IP6K1: variants seen among roughly 807,000 people sequenced by gnomAD.
The protein encoded by IP6K1 is ATP:1D-myo-inositol-hexakisphosphate phosphotransferase.
Under a neutral mutation model 38.3 loss-of-function variants are expected in IP6K1, and 13 were observed. That is an observed-to-expected ratio of 0.34 (90% confidence interval 0.22 to 0.54). The LOEUF is 0.54. Ranked by LOEUF, IP6K1 falls within the 20% of genes least tolerant of loss-of-function variation. The pLI, the probability that IP6K1 is intolerant of heterozygous loss-of-function variation, is 0.92. For synonymous variants in IP6K1, 212 were observed against 229.9 expected (o/e 0.92, Z 0.70); for missense variants, 397 against 599.8 (o/e 0.66, Z 3.53).
chr3:49,782,440 A>G lies in IP6K1; in HGVS notation c.-129+3914T>C, dbSNP rs1255934230. Among the ~76,000 whole-genome samples, 7 of 152,148 alleles carry G rather than the reference A, an allele frequency of 4.6e-5. No individual in the cohort carries two copies. The East Asian group carries it at 1.4e-3, about 30-fold the overall frequency. ...CACCTTGGCCTCCCACAGTGCTGGGATTACAGGCTTGAGCCACCGCGCCCG... is the reference window on the plus strand; with the variant it reads ...CACCTTGGCCTCCCACAGTGCTGGGGTTACAGGCTTGAGCCACCGCGCCCG... On this transcript the variant is annotated intron_variant, in intron 1 of 5. Coordinates refer to ENST00000321599, the MANE Select transcript of IP6K1 (RefSeq NM_153273.4).
Position 49,727,185 on chromosome 3 carries a change from G to A in IP6K1, c.1263C>T (p.Gly421=), listed in dbSNP as rs55990919. 1 of 1,614,098 alleles carries A rather than the reference G, an allele frequency of 6.2e-7. No individual in the cohort carries two copies. Among genetic ancestry groups the A allele is most frequent in the Non-Finnish European group, 8.5e-7 (1 of 1,180,004 alleles). ...TGAGGTTCTCCAGGCCAAACACGTA[G>A]CCTCTGTCTGGCCCATCATGCACGG... ...DPTVHDGPDR[G]YVFGLENLIS... The change falls in exon 6 of 6, where the codon GGC becomes GGT. Residue 421 remains glycine, a synonymous_variant. Transcript: ENST00000321599. The surrounding 1 kb of genome is among the most constrained non-coding windows in gnomAD (Gnocchi z 5.9).
At chr3:49,741,011 GCTA>G (rs1237015441) in intron 2 of IP6K1, among the ~76,000 whole-genome samples, 1 of 152,058 alleles carries the variant, frequency 6.6e-6, no homozygotes, top group Non-Finnish European at 1.5e-5. Flanking sequence ...ACCACGCTCG[GCTA>G]CTTTTTGTAT....
At chr3:49,747,130 CTAAG>C (rs1215968470) in intron 2 of IP6K1, among the ~76,000 whole-genome samples, 1 of 151,676 alleles carries the variant, frequency 6.6e-6, no homozygotes, top group Non-Finnish European at 1.5e-5. Flanking sequence ...TGAAACTCTC[CTAAG>C]TAAAGGACAG....
intron 4 of IP6K1, among the ~76,000 whole-genome samples, chr3:49,731,836 C>T (rs1241889820): frequency 2.2e-5 from 3 of 133,718 alleles, no homozygotes; most frequent in Non-Finnish European, 3.1e-5. Context: ...TGCAGTGAGC[C>T]GAGATCGCAC....
intron 1 of IP6K1, chr3:49,775,504 G>C: frequency 1.2e-6 from 1 of 811,872 alleles, no homozygotes; most frequent in Non-Finnish European, 1.9e-6. Context: ...TGTAAGGAGT[G>C]CACCATCTAG....
At chr3:49,782,583 T>C (rs140455734) in intron 1 of IP6K1, among the ~76,000 whole-genome samples, 9 of 151,950 alleles carry the variant, frequency 5.9e-5, no homozygotes, top group African/African-American at 1.7e-4. Flanking sequence ...AGGAGGATCA[T>C]TTGCACCCAC....
intron 1 of IP6K1, among the ~76,000 whole-genome samples, chr3:49,749,895 C>G (rs2080757698): frequency 6.8e-6 from 1 of 147,738 alleles, no homozygotes; most frequent in African/African-American, 2.5e-5. Flanking sequence ...TGGGACAAGG[C>G]AATACTGCCT....
At chr3:49,730,203 T>C (rs922378092) in intron 4 of IP6K1, among the ~76,000 whole-genome samples, 1 of 152,148 alleles carries the variant, frequency 6.6e-6, no homozygotes, top group African/African-American at 2.4e-5. Context: ...GCCTACCTAA[T>C]TTTTAATGTT....
intron 4 of IP6K1, 44 bp from the exon 5 acceptor site, chr3:49,728,322 C>A: frequency 6.3e-7 from 1 of 1,590,512 alleles, no homozygotes; most frequent in Non-Finnish European, 8.6e-7. Context: ...TCACCATCAG[C>A]CCCAGCCAGG....
At chr3:49,735,826 C>T (rs2080605764) in intron 3 of IP6K1, among the ~76,000 whole-genome samples, 1 of 152,222 alleles carries the variant, frequency 6.6e-6, no homozygotes, top group Non-Finnish European at 1.5e-5. Flanking sequence ...TATTGGTGAA[C>T]TGATCTGATA....
rs1178367859 is a variant in IP6K1 at position 49,725,372 on chromosome 3, GGA to G, written c.*1748_*1749del. On this transcript the variant is annotated 3_prime_UTR_variant, in exon 6 of 6. Coordinates refer to ENST00000321599, the MANE Select transcript of IP6K1 (RefSeq NM_153273.4). ...ATGGCTGAAGCCACAGAATGGTACA[GGA>G]GAGAAGACTGTAATTTGTGACCAGA... The G allele has an allele frequency of 6.6e-6, 1 of 152,338 alleles. No individual in the cohort carries two copies. Among genetic ancestry groups the G allele is most frequent in the African/African-American group, 2.4e-5 (1 of 41,456 alleles). 9.4% of individuals were successfully genotyped at this position (152,338 alleles called of 1,614,324 possible).
chr3:49,783,851 ATAAC>A (rs566712295), intron 1 of IP6K1, among the ~76,000 whole-genome samples: 185 of 152,268 alleles, frequency 1.2e-3, no homozygotes, highest in African/African-American at 4.3e-3. Flanking sequence ...AATGAAATAA[ATAAC>A]TAAAGACTAC....
At chr3:49,730,762 G>A (rs564200983) in intron 4 of IP6K1, among the ~76,000 whole-genome samples, 15 of 152,138 alleles carry the variant, frequency 9.9e-5, no homozygotes, top group African/African-American at 3.1e-4. Context: ...TGTTGCCTAG[G>A]CTGGAGTGCA....
At chr3:49,780,309 TACAC>T (rs71080553) in intron 1 of IP6K1, among the ~76,000 whole-genome samples, 16 of 117,534 alleles carry the variant, frequency 1.4e-4, no homozygotes, top group Non-Finnish European at 1.6e-4. Flanking sequence ...TCATCTTTCA[TACAC>T]ACACACACAC....
In IP6K1 at chr3:49,725,193, G is replaced by C. The variant is rs140864960; in HGVS notation, c.*1929C>G. ...TGGGTGCAGCTTTGCTCGCTGTGAGGAGCAGCAGAATGCGGCAGCCTCTCC... is the reference window on the plus strand; with the variant it reads ...TGGGTGCAGCTTTGCTCGCTGTGAGCAGCAGCAGAATGCGGCAGCCTCTCC... On this transcript the variant is annotated 3_prime_UTR_variant, in exon 6 of 6. Transcript: ENST00000321599. 6.5e-6 allele frequency: 1 copy of C among 152,788 alleles called. No homozygotes were observed. Among genetic ancestry groups the C allele is most frequent in the South Asian group, 2.1e-4 (1 of 4,832 alleles). 9.5% of individuals were successfully genotyped at this position (152,788 alleles called of 1,614,324 possible).
intron 1 of IP6K1, among the ~76,000 whole-genome samples, chr3:49,752,610 C>G (rs2080788222): frequency 6.6e-6 from 1 of 152,056 alleles, no homozygotes; most frequent in Admixed American, 6.5e-5. Context: ...TCAATCTCCA[C>G]TTCCCAGGTT....
chr3:49,737,882 G>A (rs889357362), intron 3 of IP6K1, among the ~76,000 whole-genome samples: 5 of 152,158 alleles, frequency 3.3e-5, no homozygotes, highest in South Asian at 2.1e-4. Flanking sequence ...TTGGAGCCTC[G>A]CTACGAACTA....
chr3:49,726,801 T>C lies in IP6K1; in HGVS notation c.*321A>G. 2.4e-6 allele frequency: 1 copy of C among 414,348 alleles called. No homozygotes were observed. Among genetic ancestry groups the C allele is most frequent in the Non-Finnish European group, 4.3e-6 (1 of 234,958 alleles). 25.7% of individuals were successfully genotyped at this position (414,348 alleles called of 1,614,324 possible). On this transcript the variant is annotated 3_prime_UTR_variant, in exon 6 of 6. Coordinates refer to ENST00000321599, the MANE Select transcript of IP6K1 (RefSeq NM_153273.4). ...GCCCTGCAGCCACAGATCTCAAAGA[T>C]CTAGACAAGAGAAACCAATGTCCAA...
chr3:49,747,877 TC>T lies in IP6K1; in HGVS notation c.163del (p.Glu55AsnfsTer12). The T allele has an allele frequency of 6.2e-7, 1 of 1,614,146 alleles. No homozygotes were observed. Among genetic ancestry groups the T allele is most frequent in the Non-Finnish European group, 8.5e-7 (1 of 1,180,020 alleles). On this transcript the variant is annotated frameshift_variant, in exon 2 of 6. Transcript: ENST00000321599. LOFTEE classifies it high-confidence loss of function. The part of the protein sequence containing the change: ...HTVCKPLISR[E>X]QRFYESLPPE... ...AGGGAGGGACTCGTAAAAGCGCTGT[TC>T]CCGGGAGATGAGGGGCTTGCACACA...
Sources: allele counts gnomAD v4.1 joint callset (sites outside exome capture counted in the v4.1 genomes callset), GRCh38; gene constraint gnomAD v4.1.1; non-coding constraint Gnocchi (gnomAD v3.1); transcripts MANE v1.5; gene names NCBI Gene and HGNC (gene_info 2026-07-23, HGNC 2026-07-21).